The following RAVER2 variants were observed in gnomAD, a reference collection of about 807,000 sequenced individuals.
The protein encoded by RAVER2 is ribonucleoprotein, PTB binding 2.
In RAVER2, 46 loss-of-function variants were observed where a neutral mutation model predicts 78.1. The observed-to-expected ratio is 0.59, with a 90% confidence interval of 0.46 to 0.75. RAVER2 has a LOEUF of 0.75. RAVER2 is among the 30% of genes least tolerant of loss of function. RAVER2 has a pLI of 0.00. For synonymous variants in RAVER2, 311 were observed against 313.3 expected (o/e 0.99, Z 0.08); for missense variants, 793 against 837.5 (o/e 0.95, Z 0.66).
chr1:64,758,919 TATTAAATA>T (rs979133899), intron 1 of RAVER2, among the ~76,000 whole-genome samples: 2 of 151,768 alleles, frequency 1.3e-5, no homozygotes, highest in African/African-American at 4.8e-5. Flanking sequence ...AATATTTACA[TATTAAATA>T]TTTAAATATT....
At chr1:64,804,777 T>C (rs1315743410) in exon 7 of RAVER2, 2 of 1,548,254 alleles carry the variant, frequency 1.3e-6, no homozygotes, top group Admixed American at 1.7e-5. Flanking sequence ...CTTCAGAATC[T>C]TTCTCATATA....
intron 5 of RAVER2, among the ~76,000 whole-genome samples, chr1:64,794,044 T>G (rs1653022218): frequency 6.6e-6 from 1 of 152,216 alleles, no homozygotes; most frequent in Non-Finnish European, 1.5e-5. Flanking sequence ...TCTTATGCTT[T>G]TATTCTCTTT....
At chr1:64,819,497 T>C (rs1333756897) in intron 11 of RAVER2, among the ~76,000 whole-genome samples, 1 of 151,990 alleles carries the variant, frequency 6.6e-6, no homozygotes, top group Non-Finnish European at 1.5e-5. Context: ...AGGGAAAATA[T>C]CAAGCAGTCT....
At chr1:64,802,681 T>C (rs956518770) in intron 5 of RAVER2, among the ~76,000 whole-genome samples, 9 of 152,224 alleles carry the variant, frequency 5.9e-5, no homozygotes, top group African/African-American at 2.2e-4. Context: ...ATGAGTATTG[T>C]GCTTATTAAA....
At position 64,768,642 on chromosome 1, in the gene RAVER2, T is replaced by G; in HGVS notation, c.250-14T>G. The G allele has an allele frequency of 6.6e-7, 1 of 1,518,698 alleles. No individual in the cohort carries two copies. The highest frequency in any genetic ancestry group is 9.1e-7 in the Non-Finnish European group (1 of 1,096,768). The allele number at this position is 1,518,698 out of a possible 1,614,324, so 94.1% of individuals were successfully genotyped here. A position where few individuals can be genotyped will look rare whatever the true frequency, so the allele number is the denominator to read the frequency against. ...TTTGTATGTTTACTGAATTCGTGTT[T>G]TTTTCTCTTTCAGGAAGTTCATGAT... On this transcript the variant is annotated splice_polypyrimidine_tract_variant and intron_variant, in intron 1 of 11. Transcript: ENST00000294428.
At chr1:64,802,084 G>A (rs980860843) in intron 5 of RAVER2, among the ~76,000 whole-genome samples, 1 of 152,190 alleles carries the variant, frequency 6.6e-6, no homozygotes, top group Non-Finnish European at 1.5e-5. Flanking sequence ...ACACGTTGCC[G>A]TGGCATTTGT....
intron 2 of RAVER2, among the ~76,000 whole-genome samples, chr1:64,773,618 G>T (rs1364155380): frequency 6.6e-6 from 1 of 152,122 alleles, no homozygotes; most frequent in Non-Finnish European, 1.5e-5. Flanking sequence ...CTTTGCTATT[G>T]TAAATAGTGC....
At chr1:64,826,845 T>C (rs1350320940) in intron 11 of RAVER2, among the ~76,000 whole-genome samples, 1 of 152,082 alleles carries the variant, frequency 6.6e-6, no homozygotes, top group East Asian at 1.9e-4. Context: ...GGAGACATTT[T>C]TGGAAGCTGG....
chr1:64,779,540 TA>T (rs1426299724), intron 3 of RAVER2, among the ~76,000 whole-genome samples: 1 of 126,928 alleles, frequency 7.9e-6, no homozygotes, highest in East Asian at 2.6e-4. Flanking sequence ...AACTACTTTT[TA>T]ATTTTTTTTT....
chr1:64,777,974 T>G (rs755247122), exon 3 of RAVER2: 1 of 1,614,140 alleles, frequency 6.2e-7, no homozygotes, highest in East Asian at 2.2e-5. Flanking sequence ...GTTAATCTAT[T>G]GGCTTCAGAG....
At chr1:64,807,459 A>G (rs775654274) in exon 9 of RAVER2, 19 of 1,613,834 alleles carry the variant, frequency 1.2e-5, no homozygotes, top group Admixed American at 1.7e-5. Context: ...CAAAAGGCAC[A>G]GAGATAAGTT....
chr1:64,774,743 T>C (rs1426980070), intron 2 of RAVER2, among the ~76,000 whole-genome samples: 1 of 152,212 alleles, frequency 6.6e-6, no homozygotes, highest in South Asian at 2.1e-4. Context: ...GGGGATAGCA[T>C]TGAATCTATA....
exon 12 of RAVER2, chr1:64,831,915 C>T (rs960028628): frequency 6.6e-6 from 1 of 152,210 alleles, no homozygotes; most frequent in African/African-American, 2.4e-5. Flanking sequence ...TTAGCTTCAA[C>T]AGAGACTGTA....
intron 1 of RAVER2, among the ~76,000 whole-genome samples, chr1:64,758,159 A>G (rs960614885): frequency 6.6e-6 from 1 of 152,146 alleles, no homozygotes; most frequent in Non-Finnish European, 1.5e-5. Context: ...TAAGATACTA[A>G]GTTAAGATAT....
exon 12 of RAVER2, chr1:64,831,744 T>C (rs1654140317): frequency 6.6e-6 from 1 of 152,208 alleles, no homozygotes; most frequent in Non-Finnish European, 1.5e-5. Flanking sequence ...AGACTAATGT[T>C]TACATTTTTA....
intron 2 of RAVER2, among the ~76,000 whole-genome samples, chr1:64,772,566 G>A (rs529886466): frequency 1.3e-5 from 2 of 152,198 alleles, no homozygotes; most frequent in African/African-American, 4.8e-5. Flanking sequence ...TCAAGATAGA[G>A]AGGTATAAAA....
chr1:64,795,343 T>C (rs1399686147), intron 5 of RAVER2, among the ~76,000 whole-genome samples: 1 of 152,156 alleles, frequency 6.6e-6, no homozygotes, highest in Non-Finnish European at 1.5e-5. Flanking sequence ...TGCCAATTTC[T>C]ATGAAAAATG....
chr1:64,789,938 G>A lies in RAVER2; in HGVS notation c.1105+424G>A, dbSNP rs181762394. Among the ~76,000 whole-genome samples the A allele has an allele frequency of 6.1e-3, 925 of 152,110 alleles. 3 individuals are homozygous for A. The highest frequency in any genetic ancestry group is 0.013 in the Admixed American group (203 of 15,286). ...TTTCCTCTTTGTTCTTCCCCTTTTT[G>A]TTGTAAAATTGTTTCACTTTGTAGC... is the stretch of plus-strand genomic sequence containing the variant. On this transcript the variant is annotated intron_variant, in intron 5 of 11. Coordinates refer to ENST00000294428, the Ensembl canonical transcript of RAVER2.
chr1:64,775,808 C>T (rs1014900192), intron 2 of RAVER2, among the ~76,000 whole-genome samples: 1 of 152,074 alleles, frequency 6.6e-6, no homozygotes, highest in Non-Finnish European at 1.5e-5. Context: ...CACTTGAGGT[C>T]AGGAGTTCGA....
Sources: gnomAD v4.1 joint callset for allele counts (sites outside exome capture counted in the v4.1 genomes callset) on GRCh38, gnomAD v4.1.1 for gene constraint, MANE v1.5 for transcripts, NCBI Gene and HGNC (gene_info 2026-07-23, HGNC 2026-07-21) for gene names.